The following EXOC4 variants were observed in gnomAD, a reference collection of about 807,000 sequenced individuals.
EXOC4 encodes SEC8-like 1.
In EXOC4, 71 loss-of-function variants were observed where a neutral mutation model predicts 107.2. That is an observed-to-expected ratio of 0.66 (90% CI 0.55 to 0.81). The LOEUF (loss-of-function observed/expected upper bound fraction) is 0.81, where lower values mean the gene tolerates loss of function less well. Ranked by LOEUF, EXOC4 falls within the 30% of genes least tolerant of loss-of-function variation. EXOC4 has a pLI of 0.00. For missense variants in EXOC4, 1,108 were observed against 1,189.6 expected, an observed-to-expected ratio of 0.93 and a Z score of 1.01; for synonymous variants, 456 against 441.2, an observed-to-expected ratio of 1.03 and a Z score of -0.42.
At chr7:133,345,013 T>G (rs1795752622) in intron 5 of EXOC4, among the ~76,000 whole-genome samples, 1 of 152,228 alleles carries the variant, frequency 6.6e-6, no homozygotes, top group Non-Finnish European at 1.5e-5. Context: ...GTAGTTTTGC[T>G]GCTTATTTTT....
intron 7 of EXOC4, among the ~76,000 whole-genome samples, chr7:133,436,772 T>C (rs1312392273): frequency 6.6e-6 from 1 of 152,200 alleles, no homozygotes; most frequent in Admixed American, 6.5e-5. Context: ...ACTCCAAAAA[T>C]GAAATCTTCA....
intron 14 of EXOC4, among the ~76,000 whole-genome samples, chr7:133,944,244 C>T (rs1020587148): frequency 6.6e-6 from 1 of 152,128 alleles, no homozygotes; most frequent in East Asian, 1.9e-4. Context: ...ACAGTTTTCC[C>T]ATATCACAGT....
In EXOC4 at chr7:133,773,360, G is replaced by A. The variant is rs551067164; in HGVS notation, c.1515-43965G>A. Among the ~76,000 whole-genome samples the A allele has an allele frequency of 1.2e-4, 18 of 151,934 alleles. No individual in the cohort carries two copies. The East Asian group carries it at 2.5e-3, about 21-fold the overall frequency. ...GAATGTTTTAAAAGTACAGATTCTCGCTCCCTGACCCACTTAATGCCCTTC... is the reference window on the plus strand; with the variant it reads ...GAATGTTTTAAAAGTACAGATTCTCACTCCCTGACCCACTTAATGCCCTTC... On this transcript the variant is annotated intron_variant, in intron 10 of 17. Coordinates refer to ENST00000253861, the MANE Select transcript of EXOC4 (RefSeq NM_021807.4).
At chr7:133,418,806 T>C (rs1030711128) in intron 7 of EXOC4, among the ~76,000 whole-genome samples, 9 of 152,204 alleles carry the variant, frequency 5.9e-5, no homozygotes, top group Admixed American at 5.9e-4. Context: ...GGGAGACCAT[T>C]GTAATTGATT....
chr7:133,744,037 A>G, intron 10 of EXOC4, among the ~76,000 whole-genome samples: 1 of 152,096 alleles, frequency 6.6e-6, no homozygotes, highest in Middle Eastern at 3.2e-3. Context: ...AGCTCAAAGT[A>G]CTTTATAAAC....
chr7:133,411,822 G>A (rs1161238938), intron 7 of EXOC4, among the ~76,000 whole-genome samples: 1 of 152,108 alleles, frequency 6.6e-6, no homozygotes, highest in Non-Finnish European at 1.5e-5. Context: ...GGTCACAAAA[G>A]TATGCTAGCT....
chr7:133,953,155 G>A (rs1364129751), intron 14 of EXOC4, among the ~76,000 whole-genome samples: 1 of 152,144 alleles, frequency 6.6e-6, no homozygotes, highest in Non-Finnish European at 1.5e-5. Flanking sequence ...AATAATATAT[G>A]CTAAGATCTT....
intron 9 of EXOC4, among the ~76,000 whole-genome samples, chr7:133,606,517 A>ATTTTTTTTTT: frequency 7.3e-6 from 1 of 136,920 alleles, no homozygotes; most frequent in Non-Finnish European, 1.5e-5. Context: ...TATTATTATT[A>ATTTTTTTTTT]TTTTTTTTTT....
At chr7:133,836,339 G>A (rs1322243220) in intron 11 of EXOC4, among the ~76,000 whole-genome samples, 1 of 151,974 alleles carries the variant, frequency 6.6e-6, no homozygotes, top group Non-Finnish European at 1.5e-5. Flanking sequence ...AACACATTAA[G>A]TGCTTTGTCT....
chr7:133,757,603 C>T (rs1444810661), intron 10 of EXOC4, among the ~76,000 whole-genome samples: 2 of 152,236 alleles, frequency 1.3e-5, no homozygotes, highest in Non-Finnish European at 2.9e-5. Flanking sequence ...GGGATATCTT[C>T]CATTGTCCGT....
intron 7 of EXOC4, among the ~76,000 whole-genome samples, chr7:133,404,024 C>G (rs1797152566): frequency 1.3e-5 from 2 of 152,200 alleles, no homozygotes. Flanking sequence ...ATTAACTGAT[C>G]TTCTGGCCCT....
At chr7:133,568,252 T>C (rs1800948455) in intron 9 of EXOC4, among the ~76,000 whole-genome samples, 1 of 152,110 alleles carries the variant, frequency 6.6e-6, no homozygotes. Flanking sequence ...ATTTTTTTTT[T>C]TAATCTGGGA....
chr7:134,028,978 CT>C (rs1013315030), intron 17 of EXOC4, among the ~76,000 whole-genome samples: 17 of 152,320 alleles, frequency 1.1e-4, no homozygotes, highest in African/African-American at 3.6e-4. Flanking sequence ...CAGGTGGCCC[CT>C]TCAGGGGTCT....
intron 10 of EXOC4, among the ~76,000 whole-genome samples, chr7:133,645,086 CTTTTTTTTTT>C (rs35058872): frequency 2.4e-5 from 3 of 123,966 alleles, no homozygotes; most frequent in African/African-American, 6.2e-5. Flanking sequence ...CTTCTGCCAC[CTTTTTTTTTT>C]TTTTTTTTTC....
intron 9 of EXOC4, among the ~76,000 whole-genome samples, chr7:133,518,294 T>C (rs574503195): frequency 4.6e-4 from 66 of 143,486 alleles, no homozygotes; most frequent in African/African-American, 1.6e-3. Context: ...CCCCACCCCC[T>C]TTTTTTTTTC....
At position 133,484,893 on chromosome 7, in the gene EXOC4, A is replaced by G. The variant is rs1490590886; in HGVS notation, c.1417+4755A>G. On this transcript the variant is annotated intron_variant, in intron 9 of 17. Coordinates refer to ENST00000253861, the MANE Select transcript of EXOC4 (RefSeq NM_021807.4). ...TCAGGAGTTTGAGACCAGCCTGGCC[A>G]ATATGGTGAAACCCCCTCTCTACTA... Among the ~76,000 whole-genome samples the G allele has an allele frequency of 2.6e-5, 4 of 151,936 alleles. No homozygotes were observed. In the East Asian group the frequency reaches 7.8e-4, roughly 30 times the overall value.
At chr7:133,580,251 A>C (rs1465176351) in intron 9 of EXOC4, among the ~76,000 whole-genome samples, 5 of 152,138 alleles carry the variant, frequency 3.3e-5, no homozygotes, top group Non-Finnish European at 7.3e-5. Flanking sequence ...CGTGTACATT[A>C]TTTGGGTTGC....
chr7:133,411,970 C>T (rs1349874620), intron 7 of EXOC4, among the ~76,000 whole-genome samples: 1 of 152,050 alleles, frequency 6.6e-6, no homozygotes, highest in Non-Finnish European at 1.5e-5. Flanking sequence ...TCTTGGAGTA[C>T]ATCATTATAA....
At position 133,286,413 on chromosome 7, in the gene EXOC4, A is replaced by G. The variant is rs775657547; in HGVS notation, c.277-2509A>G. ...TTTAACAAAATTCTGTTTCCTGCAT[A>G]GTTTCTGTTCCCCCGTGTCCTGCTT... On this transcript the variant is annotated intron_variant, in intron 2 of 17. Transcript: ENST00000253861. Among the ~76,000 whole-genome samples, 3 of 152,140 alleles carry G rather than the reference A, an allele frequency of 2.0e-5. 1 individual carries two copies.
Sources: allele counts gnomAD v4.1 joint callset (sites outside exome capture counted in the v4.1 genomes callset), GRCh38; gene constraint gnomAD v4.1.1; transcripts MANE v1.5; gene names NCBI Gene and HGNC (gene_info 2026-07-23, HGNC 2026-07-21).